CNTNAP2: variants seen among roughly 807,000 people sequenced by gnomAD.
CNTNAP2 encodes contactin-associated protein-like 2.
A neutral mutation model predicts 155.2 loss-of-function variants in CNTNAP2; 98 were observed. That is an observed-to-expected ratio of 0.63 (90% CI 0.54 to 0.75). The LOEUF (loss-of-function observed/expected upper bound fraction) is 0.75. CNTNAP2 is among the 30% of genes least tolerant of loss of function. The pLI is 0.00. For missense variants in CNTNAP2, 1,727 were observed against 1,688.1 expected (o/e 1.02, Z -0.40); for synonymous variants, 651 against 631.2 (o/e 1.03, Z -0.47).
At chr7:146,550,251 A>G (rs1198326516) in intron 1 of CNTNAP2, among the ~76,000 whole-genome samples, 3 of 151,924 alleles carry the variant, frequency 2.0e-5, no homozygotes, top group Admixed American at 6.6e-5. Context: ...GCAACCTACA[A>G]GTAGGGTGAC....
At position 147,084,780 on chromosome 7, in the gene CNTNAP2, C is replaced by CAT. The variant is rs553660805; in HGVS notation, c.551-23366_551-23365dup. Among the ~76,000 whole-genome samples the CAT allele has an allele frequency of 1.9e-3, 282 of 146,390 alleles. 7 individuals carry two copies. The highest frequency in any genetic ancestry group is 6.2e-3 in the African/African-American group (248 of 40,108). On this transcript the variant is annotated intron_variant, in intron 4 of 23. Transcript: ENST00000361727. ...GTGATATATGATATATAATATGTAA[C>CAT]ATGATGATGTAATACATATAATTTT...
chr7:146,224,190 CTT>C (rs1159094034), intron 1 of CNTNAP2, among the ~76,000 whole-genome samples: 3 of 152,130 alleles, frequency 2.0e-5, no homozygotes, highest in African/African-American at 4.8e-5. Context: ...CAATGTCAGA[CTT>C]TCAGAAAACT....
intron 14 of CNTNAP2, among the ~76,000 whole-genome samples, 154 bp from the exon 15 acceptor site, chr7:147,977,708 G>C (rs1205293795): frequency 6.6e-6 from 1 of 152,194 alleles, no homozygotes; most frequent in African/African-American, 2.4e-5. Flanking sequence ...ACCACCTATG[G>C]AAGAGAGAGA....
intron 1 of CNTNAP2, among the ~76,000 whole-genome samples, chr7:146,618,331 C>T (rs1032273599): frequency 2.0e-5 from 3 of 152,186 alleles, no homozygotes; most frequent in African/African-American, 4.8e-5. Flanking sequence ...TCTCAAACTA[C>T]TCACCAGTTA....
intron 9 of CNTNAP2, among the ~76,000 whole-genome samples, chr7:147,373,875 C>T (rs1365755986): frequency 6.6e-6 from 1 of 151,730 alleles, no homozygotes; most frequent in Non-Finnish European, 1.5e-5. Flanking sequence ...AGAAGATATA[C>T]ATTGGAGATG....
At chr7:148,111,899 A>G (rs1300056667) in intron 15 of CNTNAP2, among the ~76,000 whole-genome samples, 1 of 152,184 alleles carries the variant, frequency 6.6e-6, no homozygotes, top group Non-Finnish European at 1.5e-5. Flanking sequence ...GTGTTTCAGG[A>G]AAATGAGAGT....
At chr7:146,873,889 TA>T (rs796963576) in intron 3 of CNTNAP2, among the ~76,000 whole-genome samples, 5 of 152,144 alleles carry the variant, frequency 3.3e-5, no homozygotes, top group African/African-American at 1.2e-4. Context: ...GATATTGATT[TA>T]AAAATATTAT....
intron 8 of CNTNAP2, among the ~76,000 whole-genome samples, chr7:147,158,404 A>G (rs1801965177): frequency 6.6e-6 from 1 of 152,096 alleles, no homozygotes; most frequent in African/African-American, 2.4e-5. Flanking sequence ...TATTTATGAT[A>G]ATAGTTCTTC....
chr7:147,050,538 A>G (rs552994231), intron 4 of CNTNAP2, among the ~76,000 whole-genome samples: 62 of 152,310 alleles, frequency 4.1e-4, no homozygotes, highest in African/African-American at 1.4e-3. Flanking sequence ...AAAAGAAAAC[A>G]TATCAGGAGA....
chr7:148,397,955 C>A (rs1306421468), intron 22 of CNTNAP2, among the ~76,000 whole-genome samples: 1 of 152,196 alleles, frequency 6.6e-6, no homozygotes, highest in African/African-American at 2.4e-5. Flanking sequence ...TAGCATGGAG[C>A]TTTTATACTC....
intron 1 of CNTNAP2, among the ~76,000 whole-genome samples, chr7:146,307,767 C>T (rs575970722): frequency 2.6e-5 from 4 of 152,112 alleles, no homozygotes; most frequent in East Asian, 3.9e-4. Context: ...TGGGAAAACT[C>T]GCTAGCCATA....
At chr7:146,745,500 G>C (rs575863542) in intron 1 of CNTNAP2, among the ~76,000 whole-genome samples, 2 of 152,024 alleles carry the variant, frequency 1.3e-5, no homozygotes, top group South Asian at 2.1e-4. Flanking sequence ...CTGTTAAGGC[G>C]GCTGGGCGCG....
intron 11 of CNTNAP2, among the ~76,000 whole-genome samples, chr7:147,556,769 C>A (rs921816522): frequency 6.6e-6 from 1 of 152,126 alleles, no homozygotes; most frequent in African/African-American, 2.4e-5. Flanking sequence ...CTAACCAGAA[C>A]TGTATCATTA....
At chr7:147,738,326 A>G (rs1222354664) in intron 13 of CNTNAP2, among the ~76,000 whole-genome samples, 1 of 152,070 alleles carries the variant, frequency 6.6e-6, no homozygotes, top group Admixed American at 6.5e-5. Context: ...TTCTACTCTG[A>G]GTAAAATGCT....
chr7:147,927,984 G>A (rs1400044041), intron 14 of CNTNAP2, among the ~76,000 whole-genome samples: 2 of 152,154 alleles, frequency 1.3e-5, no homozygotes, highest in African/African-American at 2.4e-5. Flanking sequence ...CACATGTGGT[G>A]GGAGGGACCT....
chr7:147,965,642 G>A (rs969534293), intron 14 of CNTNAP2, among the ~76,000 whole-genome samples: 1 of 151,746 alleles, frequency 6.6e-6, no homozygotes, highest in Non-Finnish European at 1.5e-5. Context: ...CTGTTCCCTT[G>A]GCTTATAGTA....
At chr7:147,935,175 G>A (rs1563140497) in intron 14 of CNTNAP2, among the ~76,000 whole-genome samples, 1 of 151,562 alleles carries the variant, frequency 6.6e-6, no homozygotes, top group Non-Finnish European at 1.5e-5. Context: ...TCGCCAGGCT[G>A]CAGTGCAGTG....
chr7:147,028,852 G>C (rs778008215), intron 3 of CNTNAP2, among the ~76,000 whole-genome samples: 1 of 151,438 alleles, frequency 6.6e-6, no homozygotes, highest in South Asian at 2.1e-4. Context: ...AGAAAGTAGC[G>C]AGAACAGCAT....
chr7:147,487,825 A>G (rs111496842), intron 11 of CNTNAP2, among the ~76,000 whole-genome samples: 1 of 152,184 alleles, frequency 6.6e-6, no homozygotes, highest in African/African-American at 2.4e-5. Flanking sequence ...GCTAGTGGCC[A>G]GCTCCAAAGG....
Sources: allele counts gnomAD v4.1 joint callset (sites outside exome capture counted in the v4.1 genomes callset), GRCh38; gene constraint gnomAD v4.1.1; transcripts MANE v1.5; gene names NCBI Gene and HGNC (gene_info 2026-07-23, HGNC 2026-07-21).